The following MTO1 variants were observed in gnomAD, a reference collection of about 807,000 sequenced individuals.
MTO1 encodes the protein mitochondrial tRNA translation optimization 1.
Under a neutral mutation model 71.6 loss-of-function variants are expected in MTO1, and 46 were observed. The observed-to-expected ratio is 0.64, with a 90% CI of 0.51 to 0.82. MTO1 has a LOEUF of 0.82. Among genes scored for constraint, MTO1 ranks in the 40% least tolerant of loss-of-function variants. MTO1 has a pLI of 0.00. For missense variants in MTO1, 773 were observed against 867.5 expected, an observed-to-expected ratio of 0.89 and a Z score of 1.37; for synonymous variants, 297 against 312.1, an observed-to-expected ratio of 0.95 and a Z score of 0.51.
At position 73,479,652 on chromosome 6, in the gene MTO1, G is replaced by A. The variant is rs976147952; in HGVS notation, c.826-80G>A. On this transcript the variant is annotated intron_variant, in intron 4 of 11. Transcript: ENST00000498286. ...GTTTAGTGTCTATTAAAGTCAGTAC[G>A]TATCATGTGGAATTTATTTGGATAA... 5.2e-5 allele frequency: 58 copies of A among 1,120,366 alleles called. No homozygotes were observed. In the South Asian group the frequency reaches 5.4e-4, roughly 10 times the overall value. 69.4% of individuals were successfully genotyped at this position (1,120,366 alleles called of 1,614,324 possible).
chr6:73,496,122 T>C (rs1460399129), intron 10 of MTO1, among the ~76,000 whole-genome samples: 1 of 152,158 alleles, frequency 6.6e-6, no homozygotes, highest in Non-Finnish European at 1.5e-5. Flanking sequence ...CCCAAAATGA[T>C]GATGATGTAC....
Position 73,479,797 on chromosome 6 carries a change from G to A in MTO1, c.891G>A (p.Lys297=), listed in dbSNP as rs1390147420. The change falls in exon 5 of 12, where the codon AAG becomes AAA. Residue 297 remains lysine, a synonymous_variant. Transcript: ENST00000498286. Reference sequence around the variant, plus strand: ...CTAGAGTGGATGAGATTGTCCTTAAGAACCTTCACCTTAATAGTCATGTTA... The same window carrying A: ...CTAGAGTGGATGAGATTGTCCTTAAAAACCTTCACCTTAATAGTCATGTTA... ...TNPRVDEIVL[K]NLHLNSHVKE... The A allele has an allele frequency of 3.1e-6, 5 of 1,613,774 alleles. No individual in the cohort carries two copies. The Admixed American group carries it at 8.3e-5, about 27-fold the overall frequency.
rs1339073414 is a variant in MTO1 at position 73,507,772 on chromosome 6, T to TA, written c.*7038dup. 6.6e-6 allele frequency: 1 copy of TA among 152,114 alleles called. No individual in the cohort carries two copies. The highest frequency in any genetic ancestry group is 1.9e-4 in the East Asian group (1 of 5,180). The allele number at this position is 152,114 out of a possible 1,614,324, so 9.4% of individuals were successfully genotyped here. A position where few individuals can be genotyped will look rare whatever the true frequency, so the allele number is the denominator to read the frequency against. ...GCGGGCGGATCACGAGGTCAGGAAA[T>TA]AGAGACCATCCTGGCTAACATGGTG... On this transcript the variant is annotated 3_prime_UTR_variant, in exon 12 of 12. Transcript: ENST00000498286.
chr6:73,477,509 C>CTT (rs766276407), intron 4 of MTO1, among the ~76,000 whole-genome samples: 25 of 134,840 alleles, frequency 1.9e-4, no homozygotes, highest in African/African-American at 4.0e-4. Flanking sequence ...TCCAAAGCAG[C>CTT]TTTTTTTTTT....
chr6:73,500,843 C>T lies in MTO1; in HGVS notation c.*108C>T, dbSNP rs1460248002. 1.0e-6 allele frequency: 1 copy of T among 986,150 alleles called. No homozygotes were observed. The highest frequency in any genetic ancestry group is 1.4e-6 in the Non-Finnish European group (1 of 738,114). 61.1% of individuals were successfully genotyped at this position (986,150 alleles called of 1,614,324 possible). A position where few individuals can be genotyped will look rare whatever the true frequency, so the allele number is the denominator to read the frequency against. ...ATGTTAAAATAGCTTTATTAGGTTA[C>T]TATGGGTTTGCCATTAATTTCTGAG... On this transcript the variant is annotated 3_prime_UTR_variant, in exon 12 of 12. Coordinates refer to ENST00000498286, the MANE Select transcript of MTO1 (RefSeq NM_012123.4).
chr6:73,492,996 T>TGTA (rs1256517671), intron 10 of MTO1, among the ~76,000 whole-genome samples: 1 of 5,856 alleles, frequency 1.7e-4, no homozygotes, highest in African/African-American at 5.1e-4. Flanking sequence ...GTGTGTGTAT[T>TGTA]TTTTTTTTTT....
intron 4 of MTO1, among the ~76,000 whole-genome samples, chr6:73,475,794 G>T (rs1432214546): frequency 1.3e-5 from 2 of 151,934 alleles, no homozygotes; most frequent in Non-Finnish European, 2.9e-5. Flanking sequence ...TTACAGGTGT[G>T]AGCCATCGCA....
Position 73,488,452 on chromosome 6 carries a change from C to T in MTO1, c.1638-3782C>T, listed in dbSNP as rs186603797. 1.3e-3 allele frequency among the ~76,000 whole-genome samples: 192 copies of T among 152,246 alleles called. 1 individual carries two copies. Among genetic ancestry groups the T allele is most frequent in the African/African-American group, 3.4e-3 (141 of 41,562 alleles). ...TCTCCCAAAGCACTAGGATTACAGA[C>T]GTAGTCACCATGCCTCGCCAGATTT... On this transcript the variant is annotated intron_variant, in intron 9 of 11. Transcript: ENST00000498286.
In MTO1 at chr6:73,462,082, C is replaced by T; in HGVS notation, c.217+11C>T. On this transcript the variant is annotated intron_variant, in intron 1 of 11. Coordinates refer to ENST00000498286, the MANE Select transcript of MTO1 (RefSeq NM_012123.4). ...GCGTGGACACGATCGGTGAGGAGCG[C>T]GGGTGCTGTGGAACTTGGCGTAGGA... 1 of 1,611,022 alleles carries T rather than the reference C, an allele frequency of 6.2e-7. No homozygotes were observed. The highest frequency in any genetic ancestry group is 1.7e-4 in the Middle Eastern group (1 of 5,734).
intron 4 of MTO1, among the ~76,000 whole-genome samples, chr6:73,476,303 G>C (rs985354263): frequency 6.6e-6 from 1 of 151,198 alleles, no homozygotes; most frequent in South Asian, 2.1e-4. Flanking sequence ...GAACCTGGGA[G>C]GCAGAGGTTG....
chr6:73,482,338 G>C, intron 8 of MTO1, 94 bp downstream of exon 8: 1 of 1,555,992 alleles, frequency 6.4e-7, no homozygotes, highest in Non-Finnish European at 8.8e-7. Context: ...AGGATCACTT[G>C]AGGCCAGGAG....
At chr6:73,491,523 T>A (rs1771805291) in intron 9 of MTO1, among the ~76,000 whole-genome samples, 1 of 152,062 alleles carries the variant, frequency 6.6e-6, no homozygotes, top group Admixed American at 6.6e-5. Flanking sequence ...GGGAGTTCAG[T>A]AAAAGAAAGC....
Position 73,501,937 on chromosome 6 carries a change from G to A in MTO1, c.*1202G>A, listed in dbSNP as rs1432299500. Reference sequence around the variant, plus strand: ...CACTTGGAGGTAGCTTAGTTTTCTTGGGTTTATTTTATCTAATTTTAGTCT... The same window carrying A: ...CACTTGGAGGTAGCTTAGTTTTCTTAGGTTTATTTTATCTAATTTTAGTCT... On this transcript the variant is annotated 3_prime_UTR_variant, in exon 12 of 12. Transcript: ENST00000498286. 6.6e-6 allele frequency: 1 copy of A among 152,116 alleles called. No individual in the cohort carries two copies. The highest frequency in any genetic ancestry group is 6.6e-5 in the Admixed American group (1 of 15,256). 9.4% of individuals were successfully genotyped at this position (152,116 alleles called of 1,614,324 possible).
At position 73,497,743 on chromosome 6, in the gene MTO1, T is replaced by A; in HGVS notation, c.1764T>A (p.Tyr588Ter). ...TCTGATTTTGTTGACCAGCCACTTA[T>A]GAATCAGTGTTGTTCCATCAACTAC... ...LAERLKIEAT[Y>*]ESVLFHQLQE... Residue 588 changes from tyrosine (Y) to a stop codon, truncating the protein, a stop_gained, in exon 11 of 12, where the codon TAT (tyrosine) becomes TAA (stop). Transcript: ENST00000498286. LOFTEE classifies it high-confidence loss of function. 1 of 1,611,606 alleles carries A rather than the reference T, an allele frequency of 6.2e-7. No individual in the cohort carries two copies. The highest frequency in any genetic ancestry group is 1.3e-5 in the African/African-American group (1 of 75,036).
chr6:73,467,734 A>G (rs923714044), intron 3 of MTO1, among the ~76,000 whole-genome samples: 4 of 152,108 alleles, frequency 2.6e-5, no homozygotes, highest in African/African-American at 9.7e-5. Flanking sequence ...CTTATTGTAT[A>G]TACTTCCATA....
intron 10 of MTO1, among the ~76,000 whole-genome samples, chr6:73,495,629 C>T (rs1160692310): frequency 2.0e-5 from 3 of 151,164 alleles, no homozygotes; most frequent in Non-Finnish European, 2.9e-5. Context: ...CTACCTGAAT[C>T]CCTCCACTAG....
chr6:73,497,187 C>G (rs1341031739), intron 10 of MTO1, among the ~76,000 whole-genome samples: 1 of 70,824 alleles, frequency 1.4e-5, no homozygotes, highest in Non-Finnish European at 2.7e-5. Flanking sequence ...GAGTCTCGCT[C>G]TGTCGCCCAG....
intron 3 of MTO1, among the ~76,000 whole-genome samples, chr6:73,470,606 C>A (rs932021676): frequency 1.3e-5 from 2 of 152,010 alleles, no homozygotes; most frequent in African/African-American, 2.4e-5. Flanking sequence ...TTAGGGCCAA[C>A]AACTTAAAGG....
chr6:73,500,490 T>A, intron 11 of MTO1, 84 bp from the exon 12 acceptor site: 1 of 1,180,224 alleles, frequency 8.5e-7, no homozygotes, highest in Non-Finnish European at 1.2e-6. Context: ...TAAACTATAC[T>A]ATACAGATTG....
Sources: allele counts gnomAD v4.1 joint callset (sites outside exome capture counted in the v4.1 genomes callset), GRCh38; gene constraint gnomAD v4.1.1; transcripts MANE v1.5; gene names NCBI Gene and HGNC (gene_info 2026-07-23, HGNC 2026-07-21).